UGGT2: variants seen among roughly 807,000 people sequenced by gnomAD.
The protein encoded by UGGT2 is UDP-glucose:glycoprotein glucosyltransferase 2.
A neutral mutation model predicts 192.1 loss-of-function variants in UGGT2; 180 were observed. The ratio of observed to expected loss-of-function variants is 0.94; its 90% CI spans 0.83 to 1.06. UGGT2 has a LOEUF of 1.06. Ranked by LOEUF, UGGT2 falls within the 50% of genes least tolerant of loss-of-function variation. UGGT2 has a pLI of 0.00. For missense variants in UGGT2, 1,849 were observed against 1,795.7 expected (o/e 1.03, Z -0.54); for synonymous variants, 580 against 591.0 (o/e 0.98, Z 0.27).
chr13:95,946,124 T>C (rs922237367), intron 15 of UGGT2, among the ~76,000 whole-genome samples: 24 of 152,112 alleles, frequency 1.6e-4, no homozygotes, highest in African/African-American at 5.5e-4. Context: ...TTAATACATA[T>C]ATATTTCCAC....
intron 7 of UGGT2, 145 bp downstream of exon 7, chr13:95,995,918 T>C: frequency 1.4e-6 from 1 of 690,412 alleles, no homozygotes; most frequent in East Asian, 2.9e-5. Context: ...GTTACTTCTG[T>C]AATAAATAAA....
intron 1 of UGGT2, among the ~76,000 whole-genome samples, chr13:96,039,772 CA>C (rs933112956): frequency 2.0e-5 from 3 of 152,170 alleles, no homozygotes; most frequent in African/African-American, 7.2e-5. Flanking sequence ...ATGTTTTCCA[CA>C]AACTGTAGAA....
At chr13:95,895,448 T>C (rs985894662) in intron 22 of UGGT2, 144 bp from the exon 23 acceptor site, 7 of 459,190 alleles carry the variant, frequency 1.5e-5, no homozygotes, top group Non-Finnish European at 2.5e-5. Flanking sequence ...TCCTGCCATT[T>C]ACTAAATACG....
chr13:95,985,926 A>G (rs2051275667), intron 9 of UGGT2, among the ~76,000 whole-genome samples: 1 of 152,168 alleles, frequency 6.6e-6, no homozygotes, highest in African/African-American at 2.4e-5. Context: ...GGACTCTGAA[A>G]GGGTAAGAAT....
chr13:95,966,114 T>A (rs543622783), intron 12 of UGGT2, among the ~76,000 whole-genome samples: 1 of 152,320 alleles, frequency 6.6e-6, no homozygotes, highest in Admixed American at 6.5e-5. Context: ...ATAGCACTAT[T>A]CACGATAGCA....
intron 29 of UGGT2, 150 bp downstream of exon 29, chr13:95,877,128 TG>T (rs1891766875): frequency 7.2e-6 from 4 of 555,296 alleles, no homozygotes; most frequent in Middle Eastern, 5.0e-4. Context: ...GTGATCTGCC[TG>T]CCTCGGCCTA....
intron 36 of UGGT2, among the ~76,000 whole-genome samples, chr13:95,849,327 G>A (rs1031135101): frequency 2.6e-5 from 4 of 152,092 alleles, no homozygotes; most frequent in African/African-American, 9.7e-5. Flanking sequence ...ACGAGTTCAG[G>A]AGATCAAGAC....
intron 29 of UGGT2, among the ~76,000 whole-genome samples, chr13:95,872,117 G>A (rs545362408): frequency 6.6e-6 from 1 of 152,294 alleles, no homozygotes; most frequent in South Asian, 2.1e-4. Flanking sequence ...CATAAATAAA[G>A]TATCTAATAT....
chr13:95,958,969 G>A lies in UGGT2; in HGVS notation c.1336-9515C>T, dbSNP rs577589316. Among the ~76,000 whole-genome samples, 8 of 152,322 alleles carry A rather than the reference G, an allele frequency of 5.3e-5. No homozygotes were observed. The East Asian group carries it at 1.5e-3, about 29-fold the overall frequency. ...TAACAGAGGGAGCTACCTGGAGATTGCACAATGCCACTGATCCAGAGAGGG... is the reference window on the plus strand; with the variant it reads ...TAACAGAGGGAGCTACCTGGAGATTACACAATGCCACTGATCCAGAGAGGG... On this transcript the variant is annotated intron_variant, in intron 12 of 38. Coordinates refer to ENST00000376747, the MANE Select transcript of UGGT2 (RefSeq NM_020121.4).
Position 95,991,485 on chromosome 13 carries a change from G to GA in UGGT2, c.831-1413dup, listed in dbSNP as rs1566802395. ...GTCAATAGACAAGCCTTTGAAAAGTGAAATAAAAAATACAGAATATACATA... is the reference window on the plus strand; with the variant it reads ...GTCAATAGACAAGCCTTTGAAAAGTGAAAATAAAAAATACAGAATATACATA... On this transcript the variant is annotated intron_variant, in intron 7 of 38. Coordinates refer to ENST00000376747, the MANE Select transcript of UGGT2 (RefSeq NM_020121.4). 3 of 453,966 alleles carry GA rather than the reference G, an allele frequency of 6.6e-6. No individual in the cohort carries two copies. The East Asian group carries it at 2.1e-4, about 32-fold the overall frequency. The allele number at this position is 453,966 out of a possible 1,614,324, so 28.1% of individuals were successfully genotyped here. A position where few individuals can be genotyped will look rare whatever the true frequency, so the allele number is the denominator to read the frequency against.
At chr13:95,858,901 G>C (rs1566599844) in intron 33 of UGGT2, among the ~76,000 whole-genome samples, 1 of 152,090 alleles carries the variant, frequency 6.6e-6, no homozygotes, top group Non-Finnish European at 1.5e-5. Flanking sequence ...AAGCATGCTT[G>C]GCTAGTTTTA....
chr13:95,933,677 T>A (rs1364129653), intron 17 of UGGT2, among the ~76,000 whole-genome samples: 1 of 128,984 alleles, frequency 7.8e-6, no homozygotes, highest in African/African-American at 2.7e-5. Context: ...GTTCTAAATT[T>A]TTTTGTTTTT....
intron 12 of UGGT2, 76 bp from the exon 13 acceptor site, chr13:95,949,530 C>A: frequency 1.6e-6 from 2 of 1,285,678 alleles, no homozygotes; most frequent in Non-Finnish European, 2.0e-6. Flanking sequence ...TTTACTATAT[C>A]GTGATAAATA....
Position 95,807,716 on chromosome 13 carries a change from C to CTTTTTTTTTTTTTTTTTTTTTTT in UGGT2, c.4529-5905_4529-5904insAAAAAAAAAAAAAAAAAAAAAAA. Among the ~76,000 whole-genome samples, 31 of 78,700 alleles carry CTTTTTTTTTTTTTTTTTTTTTTT rather than the reference C, an allele frequency of 3.9e-4. 1 individual carries two copies. The highest frequency in any genetic ancestry group is 6.9e-4 in the East Asian group (2 of 2,890). 51.6% of individuals were successfully genotyped at this position (78,700 alleles called of 152,430 possible). On this transcript the variant is annotated intron_variant, in intron 38 of 38. Transcript: ENST00000376747. Reference sequence around the variant, plus strand: ...GTATCTTGAAACCCTCAGCCCTCACCTTTTTTTTTTTTTTTTTTTGCCGTA... The same window carrying CTTTTTTTTTTTTTTTTTTTTTTT: ...GTATCTTGAAACCCTCAGCCCTCACCTTTTTTTTTTTTTTTTTTTTTTTTTTTTTTTTTTTTTTTTTTGCCGTA...
chr13:95,900,416 A>G (rs2048070400), intron 22 of UGGT2, among the ~76,000 whole-genome samples: 1 of 152,132 alleles, frequency 6.6e-6, no homozygotes, highest in East Asian at 1.9e-4. Flanking sequence ...ATCTAATGCC[A>G]TTTAACATAC....
chr13:95,939,486 T>C (rs1189475285), intron 16 of UGGT2, among the ~76,000 whole-genome samples: 1 of 150,896 alleles, frequency 6.6e-6, no homozygotes, highest in Non-Finnish European at 1.5e-5. Flanking sequence ...CTTTTTTTTT[T>C]TTTTTTTTGG....
At chr13:95,926,146 G>A (rs1053116663) in intron 19 of UGGT2, among the ~76,000 whole-genome samples, 5 of 151,832 alleles carry the variant, frequency 3.3e-5, no homozygotes, top group East Asian at 1.9e-4. Context: ...ATGTAAAACC[G>A]TAACAATCAA....
chr13:95,893,604 T>C (rs535546958), intron 24 of UGGT2, among the ~76,000 whole-genome samples: 18 of 152,272 alleles, frequency 1.2e-4, no homozygotes, highest in African/African-American at 4.3e-4. Context: ...AATGTAGAAA[T>C]TTACATATAA....
chr13:95,998,880 C>G (rs1344622109), intron 6 of UGGT2, among the ~76,000 whole-genome samples: 1 of 152,118 alleles, frequency 6.6e-6, no homozygotes, highest in Non-Finnish European at 1.5e-5. Context: ...TGCCAGTCAC[C>G]TCTAGCAATA....
Sources: allele counts gnomAD v4.1 joint callset (sites outside exome capture counted in the v4.1 genomes callset), GRCh38; gene constraint gnomAD v4.1.1; transcripts MANE v1.5; gene names NCBI Gene and HGNC (gene_info 2026-07-23, HGNC 2026-07-21).